DENND3: variants seen among roughly 807,000 people sequenced by gnomAD.
DENND3 encodes DENN domain containing 3.
Under a neutral mutation model 135.1 loss-of-function variants are expected in DENND3, and 88 were observed. That is an observed-to-expected ratio of 0.65 (90% CI 0.55 to 0.78). The LOEUF (loss-of-function observed/expected upper bound fraction) is 0.78, where lower values mean the gene tolerates loss of function less well. DENND3 is among the 30% of genes least tolerant of loss of function. The pLI is 0.00. For missense variants in DENND3, 1,392 were observed against 1,688.4 expected (o/e 0.82, Z 3.08); for synonymous variants, 693 against 712.3 (o/e 0.97, Z 0.43).
In DENND3 at chr8:141,139,534, G is replaced by T. The variant is rs1817199686; in HGVS notation, c.501+1397G>T. 6.6e-6 allele frequency among the ~76,000 whole-genome samples: 1 copy of T among 152,156 alleles called. No individual in the cohort carries two copies. Among genetic ancestry groups the T allele is most frequent in the Non-Finnish European group, 1.5e-5 (1 of 68,024 alleles). ...AGCAGCCCCAGGCCTTTCTTCCAGG[G>T]TTATGTTAATGGAGGGATGAGAGGA... On this transcript the variant is annotated intron_variant, in intron 3 of 22. Transcript: ENST00000519811. The surrounding 1 kb of genome is among the most constrained non-coding windows in gnomAD (Gnocchi z 4.2).
At chr8:141,172,503 A>T (rs563260656) in intron 13 of DENND3, among the ~76,000 whole-genome samples, 1 of 152,212 alleles carries the variant, frequency 6.6e-6, no homozygotes, top group East Asian at 1.9e-4. Context: ...GGTGACACAC[A>T]CTTCACCCTG....
chr8:141,132,438 A>G (rs1210240585), intron 1 of DENND3, among the ~76,000 whole-genome samples: 1 of 151,938 alleles, frequency 6.6e-6, no homozygotes, highest in Non-Finnish European at 1.5e-5. Context: ...GCTCACTGCA[A>G]CCTCTGCCTC....
chr8:141,192,989 G>GC (rs1824977033), intron 22 of DENND3: 1 of 1,033,030 alleles, frequency 9.7e-7, no homozygotes, highest in Non-Finnish European at 1.3e-6. Context: ...TCGGGGGCTC[G>GC]GGGGGAGCGT....
chr8:141,151,275 C>A (rs1339654698), intron 6 of DENND3, among the ~76,000 whole-genome samples: 1 of 152,096 alleles, frequency 6.6e-6, no homozygotes, highest in East Asian at 1.9e-4. Flanking sequence ...GAAGTGTGTA[C>A]ATGGGCCGGG....
In DENND3 at chr8:141,146,753, T is replaced by C. The variant is rs307759; in HGVS notation, c.735+2494T>C. Among the ~76,000 whole-genome samples, 37,456 of 152,138 alleles carry C rather than the reference T, an allele frequency of 0.25. 7,147 individuals carry two copies. Among genetic ancestry groups the C allele is most frequent in the African/African-American group, 0.51 (21,092 of 41,466 alleles). On this transcript the variant is annotated intron_variant, in intron 5 of 22. Coordinates refer to ENST00000519811, the MANE Select transcript of DENND3 (RefSeq NM_001352890.3). This position sits in a 1 kb window ranked among gnomAD's most constrained non-coding sequence, Gnocchi z 4.3. ...AGATACGCAGCAGGCCACCCGTCTC[T>C]GTCAGCTCTGCTCCCAGAAGCCTTT...
chr8:141,169,878 T>TG (rs1821301346), intron 13 of DENND3, among the ~76,000 whole-genome samples: 1 of 152,262 alleles, frequency 6.6e-6, no homozygotes, highest in Non-Finnish European at 1.5e-5. Context: ...ATGTAGTGTG[T>TG]GGGCACCATT....
intron 16 of DENND3, among the ~76,000 whole-genome samples, chr8:141,180,252 C>T (rs1292293074): frequency 6.6e-6 from 1 of 152,212 alleles, no homozygotes; most frequent in East Asian, 1.9e-4. Flanking sequence ...GGATGCTGGG[C>T]ATTCGCCCAC....
At position 141,160,549 on chromosome 8, in the gene DENND3, A is replaced by G. The variant is rs1589620865; in HGVS notation, c.1197-83A>G. On this transcript the variant is annotated intron_variant, in intron 8 of 22. Coordinates refer to ENST00000519811, the MANE Select transcript of DENND3 (RefSeq NM_001352890.3). ...CGGTATTTGTGTCTGTGAAGTGTTC[A>G]TTTACCTGGTGGGCTGTGTGCTGGT... 2.5e-5 allele frequency: 36 copies of G among 1,424,046 alleles called. No individual in the cohort carries two copies. In the South Asian group the frequency reaches 5.6e-4, roughly 22 times the overall value. The allele number at this position is 1,424,046 out of a possible 1,614,324, so 88.2% of individuals were successfully genotyped here.
intron 13 of DENND3, among the ~76,000 whole-genome samples, chr8:141,173,143 G>A (rs988080788): frequency 8.0e-5 from 12 of 149,390 alleles, no homozygotes; most frequent in Non-Finnish European, 1.5e-4. Flanking sequence ...CATGCTCTTC[G>A]CGACCTCACA....
In DENND3 at chr8:141,189,208, C is replaced by T. The variant is rs560077107; in HGVS notation, c.3245+62C>T. ...GCTTGTGGGTGGGCAGAAGGCACAG[C>T]GGGTAGGGTTCCCAAGTCTTGTGCC... On this transcript the variant is annotated intron_variant, in intron 19 of 22. Coordinates refer to ENST00000519811, the MANE Select transcript of DENND3 (RefSeq NM_001352890.3). The T allele has an allele frequency of 9.0e-5, 144 of 1,606,438 alleles. 1 individual carries two copies. Among genetic ancestry groups the T allele is most frequent in the South Asian group, 3.1e-4 (28 of 90,348 alleles).
At chr8:141,155,759 G>A (rs1292027698) in intron 7 of DENND3, 90 bp from the exon 8 acceptor site, 12 of 1,449,878 alleles carry the variant, frequency 8.3e-6, no homozygotes, top group Non-Finnish European at 1.1e-5. Flanking sequence ...CTGTCTTAGT[G>A]AACTCAAAAC....
Position 141,128,884 on chromosome 8 carries a change from C to G in DENND3, c.102+75C>G. The G allele has an allele frequency of 8.6e-7, 1 of 1,158,764 alleles. No homozygotes were observed. The highest frequency in any genetic ancestry group is 1.1e-6 in the Non-Finnish European group (1 of 882,982). The allele number at this position is 1,158,764 out of a possible 1,614,324, so 71.8% of individuals were successfully genotyped here. Reference sequence around the variant, plus strand: ...GGACAGCAGTCGGAGAGCGGGCGCCCGGGTGCCCTGTGGGTTGGCGCGGAC... The same window carrying G: ...GGACAGCAGTCGGAGAGCGGGCGCCGGGGTGCCCTGTGGGTTGGCGCGGAC... On this transcript the variant is annotated intron_variant, in intron 1 of 22. Coordinates refer to ENST00000519811, the MANE Select transcript of DENND3 (RefSeq NM_001352890.3). This position sits in a 1 kb window ranked among gnomAD's most constrained non-coding sequence, Gnocchi z 4.5.
chr8:141,147,762 C>G (rs1221147687), intron 5 of DENND3, among the ~76,000 whole-genome samples: 6 of 152,370 alleles, frequency 3.9e-5, no homozygotes, highest in Non-Finnish European at 1.5e-5. Context: ...AGGCCACACC[C>G]AGCACCGCAT....
intron 1 of DENND3, among the ~76,000 whole-genome samples, chr8:141,132,918 A>G (rs12675168): frequency 0.31 from 46,847 of 152,062 alleles, 7,442 homozygotes; most frequent in Non-Finnish European, 0.34. Flanking sequence ...TGAATGAGGA[A>G]CGATATCGCC....
chr8:141,172,840 A>G (rs1821799664), intron 13 of DENND3, among the ~76,000 whole-genome samples: 1 of 152,140 alleles, frequency 6.6e-6, no homozygotes, highest in Admixed American at 6.5e-5. Flanking sequence ...GAGCCCAGGA[A>G]TTCGAGGCTG....
chr8:141,179,536 A>G (rs1038895093), intron 16 of DENND3, among the ~76,000 whole-genome samples: 1 of 152,258 alleles, frequency 6.6e-6, no homozygotes, highest in African/African-American at 2.4e-5. Context: ...CTCAGGACAC[A>G]TGAGCCTGAG....
At chr8:141,156,046 T>C (rs1238972339) in intron 8 of DENND3, 76 bp downstream of exon 8, 1 of 1,486,960 alleles carries the variant, frequency 6.7e-7, no homozygotes, top group Non-Finnish European at 9.0e-7. Context: ...CGAGTATCTT[T>C]TCCAATTTTA....
intron 1 of DENND3, among the ~76,000 whole-genome samples, chr8:141,135,021 A>G (rs1420884538): frequency 6.6e-6 from 1 of 151,674 alleles, no homozygotes; most frequent in African/African-American, 2.4e-5. Context: ...TTGTATTTTT[A>G]GTAGAGACGG....
intron 16 of DENND3, among the ~76,000 whole-genome samples, chr8:141,179,878 C>T (rs1348415902): frequency 6.6e-6 from 1 of 152,256 alleles, no homozygotes; most frequent in Non-Finnish European, 1.5e-5. Context: ...AGGGGCAGGC[C>T]CTGGACGGCA....
Sources: gnomAD v4.1 joint callset for allele counts (sites outside exome capture counted in the v4.1 genomes callset) on GRCh38, gnomAD v4.1.1 for gene constraint, Gnocchi (gnomAD v3.1) non-coding constraint, MANE v1.5 for transcripts, NCBI Gene and HGNC (gene_info 2026-07-23, HGNC 2026-07-21) for gene names.